The following MRPL13 variants were observed in gnomAD, a reference collection of about 807,000 sequenced individuals.
MRPL13 encodes the protein large ribosomal subunit protein uL13m.
Under a neutral mutation model 29.0 loss-of-function variants are expected in MRPL13, and 33 were observed. That is an observed-to-expected ratio of 1.14 (90% CI 0.86 to 1.52). The LOEUF (loss-of-function observed/expected upper bound fraction) is 1.52, where lower values mean the gene tolerates loss of function less well. MRPL13 is among the 40% of genes most tolerant of loss of function. MRPL13 has a pLI of 0.00. For synonymous variants in MRPL13, 77 were observed against 68.4 expected, an observed-to-expected ratio of 1.13 and a Z score of -0.62; for missense variants, 227 against 216.7, an observed-to-expected ratio of 1.05 and a Z score of -0.30.
intron 6 of MRPL13, among the ~76,000 whole-genome samples, chr8:120,406,555 A>ATG (rs72150915): frequency 0.19 from 28,575 of 146,944 alleles, 2,896 homozygotes; most frequent in African/African-American, 0.27. Flanking sequence ...ATATGTGTGC[A>ATG]TGTGTGTGTG....
At chr8:120,420,044 G>A (rs1042821818) in intron 4 of MRPL13, 106 bp from the exon 5 acceptor site, 10 of 631,188 alleles carry the variant, frequency 1.6e-5, no homozygotes, top group East Asian at 1.0e-4. Flanking sequence ...GATTCAACAC[G>A]AATATAGGAA....
At chr8:120,408,320 T>A (rs753634781) in intron 6 of MRPL13, among the ~76,000 whole-genome samples, 28 of 152,348 alleles carry the variant, frequency 1.8e-4, no homozygotes, top group Non-Finnish European at 2.4e-4. Context: ...TGCACTTTTT[T>A]AGTCAAAATC....
At chr8:120,442,746 T>C (rs763286888) in intron 2 of MRPL13, among the ~76,000 whole-genome samples, 1 of 152,194 alleles carries the variant, frequency 6.6e-6, no homozygotes, top group Non-Finnish European at 1.5e-5. Flanking sequence ...ATTAGTCTTA[T>C]TAGTGAAAAT....
intron 2 of MRPL13, among the ~76,000 whole-genome samples, chr8:120,441,005 G>A (rs1300059604): frequency 6.6e-6 from 1 of 150,518 alleles, no homozygotes; most frequent in African/African-American, 2.4e-5. Context: ...TTTTAAATAT[G>A]TGTGTGTGTG....
chr8:120,413,299 T>C (rs994344600), intron 6 of MRPL13, among the ~76,000 whole-genome samples: 2 of 152,228 alleles, frequency 1.3e-5, no homozygotes, highest in African/African-American at 4.8e-5. Context: ...TCATGAAGTC[T>C]AGCAAGAAAG....
At chr8:120,441,696 T>C (rs551949317) in intron 2 of MRPL13, among the ~76,000 whole-genome samples, 67 of 152,284 alleles carry the variant, frequency 4.4e-4, no homozygotes, top group African/African-American at 1.4e-3. Flanking sequence ...ATAATAGCTG[T>C]AAGAAACATA....
rs139492414 is a variant in MRPL13, at chr8:120,419,600, A to G, written c.393+252T>C. Reference sequence around the variant, plus strand: ...TTCTGATCATAGCTCCTTGTTCAAAAGCAAGCAGTGATTAAAATTTTTTTT... The same window carrying G: ...TTCTGATCATAGCTCCTTGTTCAAAGGCAAGCAGTGATTAAAATTTTTTTT... On this transcript the variant is annotated intron_variant, in intron 5 of 6. Transcript: ENST00000306185. The G allele has an allele frequency of 2.6e-3, 629 of 245,304 alleles. 6 individuals are homozygous for G. Among genetic ancestry groups the G allele is most frequent in the African/African-American group, 0.013 (588 of 43,910 alleles). 15.2% of individuals were successfully genotyped at this position (245,304 alleles called of 1,614,324 possible). A position where few individuals can be genotyped will look rare whatever the true frequency, so the allele number is the denominator to read the frequency against.
chr8:120,432,734 C>T (rs1016389555), intron 2 of MRPL13, among the ~76,000 whole-genome samples: 77 of 151,988 alleles, frequency 5.1e-4, no homozygotes, highest in African/African-American at 1.8e-3. Flanking sequence ...TTTGACAGGA[C>T]AGATGACCTG....
intron 6 of MRPL13, among the ~76,000 whole-genome samples, chr8:120,399,077 T>A (rs1363830461): frequency 6.6e-6 from 1 of 152,010 alleles, no homozygotes; most frequent in Non-Finnish European, 1.5e-5. Context: ...ACTTCAAGAT[T>A]ATCATCCAGG....
chr8:120,419,756 T>C (rs1812846044), intron 5 of MRPL13, 96 bp downstream of exon 5: 2 of 809,124 alleles, frequency 2.5e-6, no homozygotes, highest in Non-Finnish European at 3.6e-6. Flanking sequence ...GACATAAAAT[T>C]TTTGAAAATA....
At chr8:120,400,775 G>A (rs895857377) in intron 6 of MRPL13, among the ~76,000 whole-genome samples, 4 of 151,094 alleles carry the variant, frequency 2.6e-5, no homozygotes, top group African/African-American at 9.7e-5. Flanking sequence ...ACTAATAAAG[G>A]AGAAGAGAGA....
chr8:120,440,308 C>G (rs1280416360), intron 2 of MRPL13, among the ~76,000 whole-genome samples: 1 of 152,070 alleles, frequency 6.6e-6, no homozygotes, highest in East Asian at 1.9e-4. Context: ...GCAGAGGGAA[C>G]AGTGTGTGAA....
intron 2 of MRPL13, among the ~76,000 whole-genome samples, chr8:120,435,535 G>T (rs1264231707): frequency 6.6e-6 from 1 of 152,124 alleles, no homozygotes; most frequent in African/African-American, 2.4e-5. Context: ...CAAAGGACAT[G>T]ATCTCATTTT....
intron 4 of MRPL13, among the ~76,000 whole-genome samples, chr8:120,422,517 T>C (rs1420620895): frequency 1.3e-5 from 2 of 149,928 alleles, no homozygotes; most frequent in Non-Finnish European, 3.0e-5. Flanking sequence ...CTGTTTTCTA[T>C]TAGTGTTAAG....
Position 120,416,284 on chromosome 8 carries a change from G to C in MRPL13, c.394-2172C>G, listed in dbSNP as rs369757264. On this transcript the variant is annotated intron_variant, in intron 5 of 6. Coordinates refer to ENST00000306185, the MANE Select transcript of MRPL13 (RefSeq NM_014078.6). Reference sequence around the variant, plus strand: ...CAGAGGCGGGTGGATCACGAGGTCAGGAGATCGAGACCATCCTGGCTAACA... The same window carrying C: ...CAGAGGCGGGTGGATCACGAGGTCACGAGATCGAGACCATCCTGGCTAACA... 5.0e-3 allele frequency among the ~76,000 whole-genome samples: 766 copies of C among 152,256 alleles called. 10 individuals carry two copies. Among genetic ancestry groups the C allele is most frequent in the African/African-American group, 0.017 (725 of 41,544 alleles).
chr8:120,412,030 C>T (rs527450083), intron 6 of MRPL13, among the ~76,000 whole-genome samples: 10 of 152,162 alleles, frequency 6.6e-5, no homozygotes, highest in African/African-American at 2.2e-4. Flanking sequence ...ATTTAGAATA[C>T]ACTTTAGAAT....
intron 2 of MRPL13, among the ~76,000 whole-genome samples, chr8:120,437,071 G>A (rs1253662426): frequency 6.6e-6 from 1 of 152,130 alleles, no homozygotes; most frequent in African/African-American, 2.4e-5. Flanking sequence ...ACGTATTCTA[G>A]ATATAGCCTG....
In MRPL13 at chr8:120,424,944, TAAG is replaced by T. The variant is rs757266351; in HGVS notation, c.306+359_306+361del. ...TCGAGTTAACAAAAAAGTTAGAATA[TAAG>T]AAGAACACACTTAGCATGTTTGAAA... On this transcript the variant is annotated intron_variant, in intron 4 of 6. Coordinates refer to ENST00000306185, the MANE Select transcript of MRPL13 (RefSeq NM_014078.6). Among the ~76,000 whole-genome samples the T allele has an allele frequency of 1.4e-4, 22 of 151,976 alleles. No homozygotes were observed. In the South Asian group the frequency reaches 1.9e-3, roughly 13 times the overall value.
intron 6 of MRPL13, among the ~76,000 whole-genome samples, chr8:120,402,699 G>A (rs1461660589): frequency 6.6e-6 from 1 of 152,150 alleles, no homozygotes; most frequent in East Asian, 1.9e-4. Context: ...ACTAGCATCA[G>A]AGTCAACAGG....
Sources: allele counts gnomAD v4.1 joint callset (sites outside exome capture counted in the v4.1 genomes callset), GRCh38; gene constraint gnomAD v4.1.1; transcripts MANE v1.5; gene names NCBI Gene and HGNC (gene_info 2026-07-23, HGNC 2026-07-21).